The following NDRG2 variants were observed in gnomAD, a reference collection of about 807,000 sequenced individuals.
NDRG2 encodes the protein NDRG family member 2.
NDRG2 carries 34 observed loss-of-function variants against 58.2 expected under a neutral mutation model. The ratio of observed to expected loss-of-function variants is 0.58; its 90% CI spans 0.44 to 0.78. The LOEUF is 0.78. Ranked by LOEUF, NDRG2 falls within the 30% of genes least tolerant of loss-of-function variation. The probability of loss-of-function intolerance (pLI) is 0.00; values close to 1 mark genes in which losing one functional copy is unlikely to be tolerated. For missense variants in NDRG2, 434 were observed against 471.2 expected (o/e 0.92, Z 0.73); for synonymous variants, 187 against 175.9 (o/e 1.06, Z -0.50).
intron 6 of NDRG2, chr14:21,021,282 A>G (rs761424087): frequency 2.7e-5 from 10 of 365,140 alleles, no homozygotes; most frequent in Non-Finnish European, 4.3e-5. Context: ...AATGAGGAAA[A>G]GAGTGGCAAA....
upstream of NDRG2, among the ~76,000 whole-genome samples, chr14:21,027,843 T>G (rs961907472): frequency 2.0e-5 from 3 of 152,112 alleles, no homozygotes; most frequent in African/African-American, 7.2e-5. Flanking sequence ...AACCACCAAA[T>G]GAGAAGTGCA....
chr14:21,063,251 AACAC>A (rs1210672555), intron 1 of NDRG2, among the ~76,000 whole-genome samples: 2 of 152,110 alleles, frequency 1.3e-5, no homozygotes, highest in Non-Finnish European at 2.9e-5. Context: ...TGTGTATATA[AACAC>A]ACACGTGTTC....
Position 21,017,977 on chromosome 14 carries a change from C to G in NDRG2, c.949+10G>C. 2 of 1,614,186 alleles carry G rather than the reference C, an allele frequency of 1.2e-6. No individual in the cohort carries two copies. Among genetic ancestry groups the G allele is most frequent in the Non-Finnish European group, 1.7e-6 (2 of 1,180,028 alleles). On this transcript the variant is annotated intron_variant, in intron 15 of 15. Transcript: ENST00000556147. The stretch of plus-strand genomic sequence containing the variant: ...CCTCTAGTGCAGCAAGCTCTTGTCC[C>G]GATACTCACTGTAGCCCATGCCTTG...
intron 1 of NDRG2, chr14:21,031,432 G>T: frequency 2.1e-6 from 1 of 486,006 alleles, no homozygotes; most frequent in Non-Finnish European, 3.6e-6. Context: ...GGTAGCTTTT[G>T]GAGGACATTA....
chr14:21,068,599 T>C (rs548653120), intron 1 of NDRG2, among the ~76,000 whole-genome samples: 12 of 152,056 alleles, frequency 7.9e-5, no homozygotes, highest in African/African-American at 2.4e-4. Context: ...CTGGGCAGTA[T>C]TTACGGAATG....
At chr14:21,063,294 G>A (rs560334269) in intron 1 of NDRG2, among the ~76,000 whole-genome samples, 3 of 152,254 alleles carry the variant, frequency 2.0e-5, no homozygotes, top group Non-Finnish European at 4.4e-5. Flanking sequence ...TCTGTTAATG[G>A]AATTAGGAGT....
At chr14:21,049,289 T>C (rs1885356632) in intron 1 of NDRG2, among the ~76,000 whole-genome samples, 1 of 152,190 alleles carries the variant, frequency 6.6e-6, no homozygotes, top group Non-Finnish European at 1.5e-5. Context: ...CTGATTCAGC[T>C]CCATTTTCTG....
At chr14:21,047,425 C>T (rs943099323) in intron 1 of NDRG2, among the ~76,000 whole-genome samples, 1 of 152,102 alleles carries the variant, frequency 6.6e-6, no homozygotes, top group Non-Finnish European at 1.5e-5. Context: ...CTCAATCCTT[C>T]GTGTGACCTT....
chr14:21,058,139 C>A, intron 1 of NDRG2: 1 of 1,614,154 alleles, frequency 6.2e-7, no homozygotes, highest in South Asian at 1.1e-5. Flanking sequence ...CATCACCTGC[C>A]AGACCCCCAA....
chr14:21,021,779 A>G (rs765830779), intron 6 of NDRG2, 38 bp downstream of exon 6: 6 of 1,598,446 alleles, frequency 3.8e-6, no homozygotes, highest in Non-Finnish European at 2.6e-6. Context: ...TGTGCTGGAA[A>G]GAGAACTCTG....
intron 1 of NDRG2, among the ~76,000 whole-genome samples, chr14:21,068,554 A>G (rs940582209): frequency 6.6e-6 from 1 of 152,002 alleles, no homozygotes; most frequent in African/African-American, 2.4e-5. Flanking sequence ...ACAGGTGAAT[A>G]AGGTTTTTTA....
chr14:21,031,025 C>G lies in NDRG2; in HGVS notation c.25-7704G>C, dbSNP rs766822360. 4.3e-6 allele frequency: 7 copies of G among 1,609,558 alleles called. No homozygotes were observed. The African/African-American group carries it at 9.4e-5, about 22-fold the overall frequency. On this transcript the variant is annotated intron_variant, in intron 1 of 14. Coordinates refer to the NDRG2 transcript ENST00000403829. ...CTAACTGACCAGGGCCAAGAACGCC[C>G]GAACCATCACGTTTCAACAGTTCAA... is the stretch of plus-strand genomic sequence containing the variant.
intron 1 of NDRG2, chr14:21,033,717 C>T: frequency 1.2e-6 from 1 of 869,106 alleles, no homozygotes; most frequent in East Asian, 2.4e-5. Flanking sequence ...GGGACCCTGC[C>T]TGCCTCGTAA....
intron 1 of NDRG2, among the ~76,000 whole-genome samples, chr14:21,037,814 CAAT>C (rs1884717134): frequency 6.6e-6 from 1 of 152,150 alleles, no homozygotes; most frequent in African/African-American, 2.4e-5. Flanking sequence ...ACCATTGAAA[CAAT>C]AACTGAGTTG....
intron 7 of NDRG2, 88 bp downstream of exon 7, chr14:21,020,696 A>G: frequency 6.3e-7 from 1 of 1,589,594 alleles, no homozygotes; most frequent in South Asian, 1.1e-5. Context: ...CCTAGTGCCC[A>G]CTTCCTCCCC....
At chr14:21,043,570 T>C in intron 1 of NDRG2, 2 of 793,940 alleles carry the variant, frequency 2.5e-6, no homozygotes, top group Admixed American at 2.8e-5. Context: ...CTTGGGGCTG[T>C]TCCTGGTTCA....
intron 1 of NDRG2, chr14:21,048,184 T>C (rs1885288421): frequency 6.6e-6 from 1 of 152,202 alleles, no homozygotes; most frequent in South Asian, 2.1e-4. Context: ...AGCTTCATTC[T>C]AATGTCCTCC....
At chr14:21,053,223 CT>C (rs1157014981) in intron 1 of NDRG2, among the ~76,000 whole-genome samples, 1 of 152,180 alleles carries the variant, frequency 6.6e-6, no homozygotes, top group Non-Finnish European at 1.5e-5. Context: ...TGGCTCACAC[CT>C]GTAATATCAG....
chr14:21,018,931 C>A, intron 11 of NDRG2, 117 bp from the exon 12 acceptor site: 1 of 1,385,200 alleles, frequency 7.2e-7, no homozygotes, highest in South Asian at 1.3e-5. Context: ...ACTTCTGTGT[C>A]TCCCTGCTGA....
Sources: gnomAD v4.1 joint callset for allele counts (sites outside exome capture counted in the v4.1 genomes callset) on GRCh38, gnomAD v4.1.1 for gene constraint, MANE v1.5 for transcripts, NCBI Gene and HGNC (gene_info 2026-07-23, HGNC 2026-07-21) for gene names.